The following COG5 variants were observed in gnomAD, a reference collection of about 807,000 sequenced individuals.
COG5 encodes conserved oligomeric Golgi complex subunit 5.
Under a neutral mutation model 110.4 loss-of-function variants are expected in COG5, and 86 were observed. The observed-to-expected ratio is 0.78, with a 90% CI of 0.65 to 0.93. The LOEUF (loss-of-function observed/expected upper bound fraction) is 0.93. Ranked by LOEUF, COG5 falls within the 40% of genes least tolerant of loss-of-function variation. The pLI is 0.00. For synonymous variants in COG5, 360 were observed against 334.6 expected (o/e 1.08, Z -0.83); for missense variants, 1,077 against 987.0 (o/e 1.09, Z -1.22).
At chr7:107,263,677 C>T (rs60583203) in intron 14 of COG5, among the ~76,000 whole-genome samples, 10 of 152,098 alleles carry the variant, frequency 6.6e-5, no homozygotes, top group East Asian at 3.8e-4. Flanking sequence ...ACAAGATACA[C>T]TATTTTTTAA....
chr7:107,236,112 G>A (rs540663177), intron 18 of COG5, among the ~76,000 whole-genome samples: 2 of 152,256 alleles, frequency 1.3e-5, no homozygotes, highest in South Asian at 2.1e-4. Context: ...TACATTATTG[G>A]TCAGCAAGGT....
At chr7:107,516,219 T>C (rs1472231075) in intron 6 of COG5, among the ~76,000 whole-genome samples, 1 of 152,212 alleles carries the variant, frequency 6.6e-6, no homozygotes, top group Non-Finnish European at 1.5e-5. Flanking sequence ...TTCATTTCCC[T>C]AATGCCTAAC....
rs778309420 is a variant in COG5, at chr7:107,474,046, A to C, written c.538+53191T>G. The stretch of plus-strand genomic sequence containing the variant: ...ATTTCACTTTCTAGGGAAAAAAACC[A>C]ACTGCTCCAAAAGAATGTGTTTTTC... On this transcript the variant is annotated intron_variant, in intron 6 of 21. Coordinates refer to ENST00000297135, the MANE Select transcript of COG5 (RefSeq NM_006348.5). The surrounding 1 kb of genome is among the most constrained non-coding windows in gnomAD (Gnocchi z 5.7). 1 of 1,430,306 alleles carries C rather than the reference A, an allele frequency of 7.0e-7. No homozygotes were observed. The highest frequency in any genetic ancestry group is 1.3e-5 in the South Asian group (1 of 74,798). 88.6% of individuals were successfully genotyped at this position (1,430,306 alleles called of 1,614,324 possible). A position where few individuals can be genotyped will look rare whatever the true frequency, so the allele number is the denominator to read the frequency against.
chr7:107,237,011 C>T (rs1028236620), intron 17 of COG5, among the ~76,000 whole-genome samples: 4 of 152,210 alleles, frequency 2.6e-5, no homozygotes, highest in African/African-American at 9.6e-5. Context: ...CAAGGTCCCT[C>T]CCAGCCTCTC....
chr7:107,241,355 T>G (rs573267568), intron 17 of COG5, among the ~76,000 whole-genome samples: 1 of 151,044 alleles, frequency 6.6e-6, no homozygotes, highest in South Asian at 2.1e-4. Context: ...CAAATATAGT[T>G]TTTTTTTCGG....
chr7:107,286,755 T>C (rs536604430), intron 12 of COG5, among the ~76,000 whole-genome samples: 115 of 152,290 alleles, frequency 7.6e-4, no homozygotes, highest in Middle Eastern at 3.4e-3. Flanking sequence ...TCTGTGACTT[T>C]CTTATTATTT....
At chr7:107,471,600 A>T (rs915721388) in intron 6 of COG5, 4 of 152,066 alleles carry the variant, frequency 2.6e-5, no homozygotes, top group South Asian at 2.1e-4. Context: ...GAAAAACAAT[A>T]TAACTGTAAA....
At chr7:107,369,964 A>T (rs926195790) in intron 8 of COG5, among the ~76,000 whole-genome samples, 11 of 152,090 alleles carry the variant, frequency 7.2e-5, no homozygotes, top group Admixed American at 2.0e-4. Context: ...TCACATGCTT[A>T]TTGAATGTGT....
intron 5 of COG5, among the ~76,000 whole-genome samples, chr7:107,545,353 A>T (rs1464955269): frequency 1.3e-5 from 2 of 152,208 alleles, no homozygotes; most frequent in African/African-American, 4.8e-5. Flanking sequence ...AAAATCAAAA[A>T]CAGAGAGGAT....
At chr7:107,401,262 T>C (rs1450275295) in intron 7 of COG5, among the ~76,000 whole-genome samples, 1 of 152,102 alleles carries the variant, frequency 6.6e-6, no homozygotes, top group East Asian at 1.9e-4. Flanking sequence ...ACAACTAACA[T>C]TAAGCTTTAG....
intron 11 of COG5, among the ~76,000 whole-genome samples, chr7:107,306,539 G>C (rs1393122166): frequency 2.6e-5 from 4 of 152,112 alleles, no homozygotes. Flanking sequence ...TATTAGGATG[G>C]AATGAATGAA....
chr7:107,372,839 G>T, intron 7 of COG5, 79 bp from the exon 8 acceptor site: 1 of 1,403,596 alleles, frequency 7.1e-7, no homozygotes. Flanking sequence ...ACAACTTTAA[G>T]CAGGACTTCA....
intron 14 of COG5, 142 bp downstream of exon 14, chr7:107,281,158 C>A: frequency 1.5e-6 from 1 of 656,710 alleles, no homozygotes; most frequent in East Asian, 2.8e-5. Context: ...GGTTTAAATT[C>A]ATCAGGAAGT....
intron 17 of COG5, among the ~76,000 whole-genome samples, chr7:107,237,033 C>G (rs1319126465): frequency 6.6e-6 from 1 of 152,210 alleles, no homozygotes; most frequent in Non-Finnish European, 1.5e-5. Context: ...ATTCTCCATC[C>G]ACTCACATGT....
At chr7:107,508,382 A>C (rs1799203615) in intron 6 of COG5, among the ~76,000 whole-genome samples, 1 of 152,230 alleles carries the variant, frequency 6.6e-6, no homozygotes, top group Non-Finnish European at 1.5e-5. Context: ...AGCAGCCCCG[A>C]AGCTCCAACT....
chr7:107,436,506 A>T (rs1233226702), intron 6 of COG5, among the ~76,000 whole-genome samples: 1 of 152,134 alleles, frequency 6.6e-6, no homozygotes, highest in Admixed American at 6.5e-5. Context: ...GTACAGATAA[A>T]AAAGTTCTGG....
chr7:107,241,939 AC>A (rs962235652), intron 17 of COG5, among the ~76,000 whole-genome samples: 1 of 151,756 alleles, frequency 6.6e-6, no homozygotes, highest in African/African-American at 2.4e-5. Context: ...ACACCACGAC[AC>A]CCAGCTAATT....
chr7:107,545,788 A>T (rs1584952751), intron 5 of COG5, among the ~76,000 whole-genome samples: 1 of 150,984 alleles, frequency 6.6e-6, no homozygotes, highest in African/African-American at 2.4e-5. Context: ...TCAAAAAAAA[A>T]AAAAAAAAAA....
chr7:107,508,396 T>C (rs1274029392), intron 6 of COG5, among the ~76,000 whole-genome samples: 1 of 152,154 alleles, frequency 6.6e-6, no homozygotes, highest in African/African-American at 2.4e-5. Flanking sequence ...TCCAACTGGG[T>C]GGAGCCCACC....
Sources: allele counts gnomAD v4.1 joint callset (sites outside exome capture counted in the v4.1 genomes callset), GRCh38; gene constraint gnomAD v4.1.1; non-coding constraint Gnocchi (gnomAD v3.1); transcripts MANE v1.5; gene names NCBI Gene and HGNC (gene_info 2026-07-23, HGNC 2026-07-21).